NDRG3: variants seen among roughly 807,000 people sequenced by gnomAD.
NDRG3 encodes the protein NDRG family member 3.
In NDRG3, 23 loss-of-function variants were observed where a neutral mutation model predicts 57.2. That is an observed-to-expected ratio of 0.40 (90% CI 0.29 to 0.57). NDRG3 has a LOEUF of 0.57. Among genes scored for constraint, NDRG3 ranks in the 20% least tolerant of loss-of-function variants. The pLI is 0.42. For missense variants in NDRG3, 384 were observed against 457.3 expected (o/e 0.84, Z 1.46); for synonymous variants, 132 against 162.6 (o/e 0.81, Z 1.43).
chr20:36,658,091 T>C (rs1381182274), intron 13 of NDRG3, among the ~76,000 whole-genome samples: 1 of 152,194 alleles, frequency 6.6e-6, no homozygotes. Flanking sequence ...TGTATATTGA[T>C]TCAAACCTGA....
chr20:36,654,200 G>T (rs993177705), intron 15 of NDRG3, among the ~76,000 whole-genome samples: 17 of 152,216 alleles, frequency 1.1e-4, no homozygotes, highest in Non-Finnish European at 5.9e-5. Context: ...TGCAGGTGAA[G>T]GGGAGGGCAG....
In NDRG3 at chr20:36,689,339, T is replaced by C. The variant is rs541837736; in HGVS notation, c.94-555A>G. ...AAGCTCACTTACGAGCCCAGGGATC[T>C]GTTGAGAATACATTTGCAATTGGCT... On this transcript the variant is annotated intron_variant, in intron 3 of 15. Transcript: ENST00000349004. Among the ~76,000 whole-genome samples the C allele has an allele frequency of 4.9e-4, 74 of 152,278 alleles. 1 individual carries two copies. The highest frequency in any genetic ancestry group is 1.8e-3 in the African/African-American group (73 of 41,558).
At chr20:36,734,473 T>C (rs1033938065) in intron 1 of NDRG3, among the ~76,000 whole-genome samples, 2 of 152,156 alleles carry the variant, frequency 1.3e-5, no homozygotes, top group Non-Finnish European at 2.9e-5. Context: ...GGCTCTAGGA[T>C]TAAGCCCTGA....
chr20:36,718,293 T>G (rs1166399089), intron 2 of NDRG3, among the ~76,000 whole-genome samples: 1 of 152,228 alleles, frequency 6.6e-6, no homozygotes, highest in African/African-American at 2.4e-5. Flanking sequence ...CTTGCCTATC[T>G]ACCTGCTTGG....
At chr20:36,682,611 T>A in intron 6 of NDRG3, 33 bp from the exon 7 acceptor site, 3 of 1,584,840 alleles carry the variant, frequency 1.9e-6, no homozygotes, top group Non-Finnish European at 2.6e-6. Flanking sequence ...ACTGACAGAG[T>A]CAACTTCATT....
rs920842869 is a variant in NDRG3 at position 36,653,274 on chromosome 20, G to T, written c.*246C>A. 2.8e-5 allele frequency: 12 copies of T among 421,818 alleles called. No individual in the cohort carries two copies. In the South Asian group the frequency reaches 5.1e-4, roughly 18 times the overall value. 26.1% of individuals were successfully genotyped at this position (421,818 alleles called of 1,614,324 possible). A position where few individuals can be genotyped will look rare whatever the true frequency, so the allele number is the denominator to read the frequency against. ...GCACGGGAAAAAGCTGGCAAGAGAG[G>T]ATATGGAGAGATCTGATCAGCTAAA... On this transcript the variant is annotated 3_prime_UTR_variant, in exon 16 of 16. Coordinates refer to ENST00000349004, the MANE Select transcript of NDRG3 (RefSeq NM_032013.4). The surrounding 1 kb of genome is among the most constrained non-coding windows in gnomAD (Gnocchi z 4.2).
At chr20:36,678,850 TTATAA>T (rs1366987113) in intron 8 of NDRG3, among the ~76,000 whole-genome samples, 4 of 152,260 alleles carry the variant, frequency 2.6e-5, no homozygotes, top group Non-Finnish European at 5.9e-5. Flanking sequence ...TTAAAAGTAC[TTATAA>T]TATCAAATGT....
intron 8 of NDRG3, among the ~76,000 whole-genome samples, chr20:36,675,588 G>T (rs186588837): frequency 7.4e-4 from 112 of 152,130 alleles, no homozygotes; most frequent in African/African-American, 2.6e-3. Flanking sequence ...GTTTCTCCAT[G>T]TTGGTCAGGC....
intron 15 of NDRG3, among the ~76,000 whole-genome samples, chr20:36,655,887 G>A (rs902772653): frequency 2.0e-5 from 3 of 152,118 alleles, no homozygotes; most frequent in Non-Finnish European, 2.9e-5. Flanking sequence ...TGTAATCCCA[G>A]CACTTTGGGA....
intron 3 of NDRG3, among the ~76,000 whole-genome samples, chr20:36,689,148 C>T (rs1375083052): frequency 6.6e-6 from 1 of 152,108 alleles, no homozygotes; most frequent in African/African-American, 2.4e-5. Context: ...GAGCTGAGAT[C>T]GTGCTACTGC....
At chr20:36,733,129 G>C (rs557666133) in intron 1 of NDRG3, among the ~76,000 whole-genome samples, 1 of 114,156 alleles carries the variant, frequency 8.8e-6, no homozygotes, top group Non-Finnish European at 1.7e-5. Flanking sequence ...CCTGGGTGAC[G>C]GAACACGATC....
At chr20:36,727,573 C>G (rs1032606193) in intron 1 of NDRG3, among the ~76,000 whole-genome samples, 4 of 140,512 alleles carry the variant, frequency 2.8e-5, no homozygotes, top group Non-Finnish European at 3.1e-5. Context: ...GACGGAGTCT[C>G]GCTCTGTCGC....
chr20:36,664,723 T>C (rs1185341752), intron 12 of NDRG3, among the ~76,000 whole-genome samples: 3 of 152,152 alleles, frequency 2.0e-5, no homozygotes, highest in Non-Finnish European at 4.4e-5. Context: ...ACGGTCTCAC[T>C]CTGTCACCTA....
At chr20:36,678,961 TTTTC>T (rs1285616961) in intron 8 of NDRG3, among the ~76,000 whole-genome samples, 1 of 152,228 alleles carries the variant, frequency 6.6e-6, no homozygotes, top group Non-Finnish European at 1.5e-5. Context: ...TTTATTTTTG[TTTTC>T]TTTGAGAGAG....
intron 12 of NDRG3, among the ~76,000 whole-genome samples, chr20:36,661,017 T>C (rs1266041908): frequency 6.6e-6 from 1 of 152,220 alleles, no homozygotes; most frequent in Non-Finnish European, 1.5e-5. Context: ...TAGGTTACCT[T>C]ACTTCTTTGA....
Position 36,653,537 on chromosome 20 carries a change from T to G in NDRG3, c.1111A>C (p.Met371Leu), listed in dbSNP as rs1056395476. The change falls in exon 16 of 16, where the codon ATG becomes CTG. Residue 371 changes from methionine to leucine, a missense_variant. Met to Leu is a conservative substitution (Grantham distance 15). Coordinates refer to ENST00000349004, the MANE Select transcript of NDRG3 (RefSeq NM_032013.4). This position sits in a 1 kb window ranked among gnomAD's most constrained non-coding sequence, Gnocchi z 4.2. ...GCATCTGCTTAGCAGGACACCTCCA[T>G]GGTCTGGTGTCTGTCCAGGACATCA... ...SPDVLDRHQT[M>L]EVSC The G allele has an allele frequency of 6.2e-7, 1 of 1,614,088 alleles. No individual in the cohort carries two copies. The highest frequency in any genetic ancestry group is 1.7e-5 in the Admixed American group (1 of 60,016).
At chr20:36,725,774 T>G (rs1984895275) in intron 1 of NDRG3, among the ~76,000 whole-genome samples, 1 of 152,148 alleles carries the variant, frequency 6.6e-6, no homozygotes, top group African/African-American at 2.4e-5. Flanking sequence ...ACTCACCCAC[T>G]TTATCCCTAC....
At chr20:36,704,576 A>T (rs370367889) in intron 3 of NDRG3, among the ~76,000 whole-genome samples, 19 of 152,158 alleles carry the variant, frequency 1.2e-4, no homozygotes, top group African/African-American at 4.3e-4. Context: ...TACTGGTTCA[A>T]CCTAGGATCC....
At chr20:36,703,610 A>G (rs191037397) in intron 3 of NDRG3, among the ~76,000 whole-genome samples, 87 of 151,658 alleles carry the variant, frequency 5.7e-4, no homozygotes, top group Non-Finnish European at 9.6e-4. Flanking sequence ...TGCCCAGCTA[A>G]TTTTTTATTT....
Sources: allele counts gnomAD v4.1 joint callset (sites outside exome capture counted in the v4.1 genomes callset), GRCh38; gene constraint gnomAD v4.1.1; non-coding constraint Gnocchi (gnomAD v3.1); transcripts MANE v1.5; gene names NCBI Gene and HGNC (gene_info 2026-07-23, HGNC 2026-07-21).